The following CACNA1E variants were observed in gnomAD, a reference collection of about 807,000 sequenced individuals.
CACNA1E encodes the protein voltage-dependent R-type calcium channel subunit alpha-1E.
Under a neutral mutation model 259.2 loss-of-function variants are expected in CACNA1E, and 40 were observed. That is an observed-to-expected ratio of 0.15 (90% confidence interval 0.12 to 0.20). CACNA1E has a LOEUF of 0.20. Ranked by LOEUF, CACNA1E falls within the 10% of genes least tolerant of loss-of-function variation. The pLI is 1.00. For missense variants in CACNA1E, 1,874 were observed against 3,040.1 expected, an observed-to-expected ratio of 0.62 and a Z score of 9.02; for synonymous variants, 1,104 against 1,138.5, an observed-to-expected ratio of 0.97 and a Z score of 0.61.
intron 3 of CACNA1E, among the ~76,000 whole-genome samples, chr1:181,543,434 T>C (rs924853300): frequency 6.6e-6 from 1 of 152,120 alleles, no homozygotes; most frequent in East Asian, 1.9e-4. Flanking sequence ...GAAACCCCAG[T>C]CCCCAATGTA....
At chr1:181,537,909 C>G (rs1668296446) in intron 3 of CACNA1E, among the ~76,000 whole-genome samples, 1 of 152,166 alleles carries the variant, frequency 6.6e-6, no homozygotes, top group East Asian at 1.9e-4. Flanking sequence ...AATTATTAAG[C>G]TAACACATGT....
intron 6 of CACNA1E, among the ~76,000 whole-genome samples, chr1:181,619,082 A>G (rs1478438619): frequency 1.3e-5 from 2 of 152,164 alleles, no homozygotes; most frequent in African/African-American, 4.8e-5. Flanking sequence ...GAACAAAACA[A>G]TCCAAATCCC....
intron 1 of CACNA1E, among the ~76,000 whole-genome samples, chr1:181,354,484 A>G (rs918985488): frequency 2.6e-5 from 4 of 152,134 alleles, no homozygotes; most frequent in African/African-American, 9.7e-5. Context: ...TACACAGTTG[A>G]TCAGTGTGGG....
At chr1:181,502,975 A>G (rs979950263) in intron 1 of CACNA1E, among the ~76,000 whole-genome samples, 3 of 152,220 alleles carry the variant, frequency 2.0e-5, no homozygotes, top group African/African-American at 7.2e-5. Context: ...CTGGGATTGC[A>G]GGCGTGAGCC....
chr1:181,504,523 C>T (rs1048199718), intron 1 of CACNA1E, among the ~76,000 whole-genome samples: 1 of 152,192 alleles, frequency 6.6e-6, no homozygotes, highest in African/African-American at 2.4e-5. Flanking sequence ...CCAATATTTA[C>T]TGCCTGAGGC....
At chr1:181,646,488 A>G (rs911293275) in intron 6 of CACNA1E, among the ~76,000 whole-genome samples, 13 of 152,240 alleles carry the variant, frequency 8.5e-5, no homozygotes, top group African/African-American at 3.1e-4. Flanking sequence ...TGAAAGGACC[A>G]TGGAATCAGC....
intron 2 of CACNA1E, among the ~76,000 whole-genome samples, chr1:181,445,637 T>C (rs977226884): frequency 6.6e-6 from 1 of 152,232 alleles, no homozygotes; most frequent in Non-Finnish European, 1.5e-5. Context: ...ACAGGTGATG[T>C]AGCACACAAG....
chr1:181,539,631 G>T (rs549563202), intron 3 of CACNA1E, among the ~76,000 whole-genome samples: 1 of 152,146 alleles, frequency 6.6e-6, no homozygotes, highest in Non-Finnish European at 1.5e-5. Flanking sequence ...CAGGTGTCCC[G>T]CAAGGTCTGA....
chr1:181,422,802 A>T (rs1236747023), intron 2 of CACNA1E, among the ~76,000 whole-genome samples: 2 of 152,254 alleles, frequency 1.3e-5, no homozygotes, highest in Admixed American at 1.3e-4. Context: ...TAACCAAAAC[A>T]TTAGATTGTG....
chr1:181,505,140 G>A (rs990656001), intron 1 of CACNA1E, among the ~76,000 whole-genome samples: 1 of 152,040 alleles, frequency 6.6e-6, no homozygotes, highest in African/African-American at 2.4e-5. Context: ...TCTGGCCATC[G>A]CATTCCTCCT....
At chr1:181,343,986 C>T (rs1652393446) in intron 1 of CACNA1E, among the ~76,000 whole-genome samples, 1 of 152,186 alleles carries the variant, frequency 6.6e-6, no homozygotes, top group South Asian at 2.1e-4. Context: ...CTCTTGCTCA[C>T]CCTTCAATCA....
rs562086378 is a variant in CACNA1E at position 181,615,161 on chromosome 1, C to T, written c.951+34385C>T. Among the ~76,000 whole-genome samples the T allele has an allele frequency of 1.3e-5, 2 of 152,158 alleles. 1 individual carries two copies. The highest frequency in any genetic ancestry group is 4.8e-5 in the African/African-American group (2 of 41,548). On this transcript the variant is annotated intron_variant, in intron 6 of 47. Transcript: ENST00000367573. ...TACTTTTTCTCATTAAAGTTTTATA[C>T]TATTTTGTGTAGAGGTCTGATATAT...
intron 6 of CACNA1E, among the ~76,000 whole-genome samples, chr1:181,589,765 T>G (rs1004730850): frequency 1.3e-5 from 2 of 152,190 alleles, no homozygotes; most frequent in African/African-American, 4.8e-5. Context: ...ACAGCCCATG[T>G]AGAAATGTGA....
In CACNA1E at chr1:181,776,348, C is replaced by T. The variant is rs750114029; in HGVS notation, c.5267+120C>T. 1 of 1,039,464 alleles carries T rather than the reference C, an allele frequency of 9.6e-7. No homozygotes were observed. Among genetic ancestry groups the T allele is most frequent in the South Asian group, 1.4e-5 (1 of 74,048 alleles). 64.4% of individuals were successfully genotyped at this position (1,039,464 alleles called of 1,614,324 possible). Reference sequence around the variant, plus strand: ...GCCTGTTACAGAAGGAAAGGAGATTCCTCTTGATTGTGGCCCATAGAAGAG... The same window carrying T: ...GCCTGTTACAGAAGGAAAGGAGATTTCTCTTGATTGTGGCCCATAGAAGAG... On this transcript the variant is annotated intron_variant, in intron 38 of 47. Transcript: ENST00000367573. The surrounding 1 kb of genome is among the most constrained non-coding windows in gnomAD (Gnocchi z 4.4).
Position 181,750,457 on chromosome 1 carries a change from C to T in CACNA1E, c.3720-19C>T. 6.2e-7 allele frequency: 1 copy of T among 1,612,434 alleles called. No homozygotes were observed. The highest frequency in any genetic ancestry group is 8.5e-7 in the Non-Finnish European group (1 of 1,178,866). Reference sequence around the variant, plus strand: ...TTTTATTTTGATTTTCTACTGCTCTCTGATTGGATCCTCCATAGGAACGCT... The same window carrying T: ...TTTTATTTTGATTTTCTACTGCTCTTTGATTGGATCCTCCATAGGAACGCT... On this transcript the variant is annotated intron_variant, in intron 25 of 47. Transcript: ENST00000367573.
At chr1:181,667,387 G>A (rs1446384146) in intron 7 of CACNA1E, among the ~76,000 whole-genome samples, 1 of 152,052 alleles carries the variant, frequency 6.6e-6, no homozygotes, top group Non-Finnish European at 1.5e-5. Flanking sequence ...GGAGAACTTT[G>A]GTTCCATTTA....
intron 1 of CACNA1E, among the ~76,000 whole-genome samples, chr1:181,389,334 G>A (rs930630439): frequency 2.0e-5 from 3 of 152,200 alleles, no homozygotes; most frequent in Non-Finnish European, 4.4e-5. Flanking sequence ...TGTACAGCAT[G>A]AGAGCTGAAA....
At position 181,332,113 on chromosome 1, in the gene CACNA1E, A is replaced by T. The variant is rs146499074; in HGVS notation, c.-15+13990A>T. Among the ~76,000 whole-genome samples the T allele has an allele frequency of 9.8e-5, 15 of 152,330 alleles. No homozygotes were observed. The East Asian group carries it at 2.5e-3, about 25-fold the overall frequency. ...ATTATCCTCAGCAAACTAACGTAGG[A>T]ACAGAAAATCAAATACTACGTGTTC... is the stretch of plus-strand genomic sequence containing the variant. On this transcript the variant is annotated intron_variant, in intron 1 of 11. Coordinates refer to the CACNA1E transcript ENST00000524607.
At chr1:181,473,567 T>C (rs1662656855) in intron 2 of CACNA1E, among the ~76,000 whole-genome samples, 1 of 140,262 alleles carries the variant, frequency 7.1e-6, no homozygotes, top group African/African-American at 2.9e-5. Flanking sequence ...GTACTACTTT[T>C]GCCATTTTTG....
Sources: allele counts gnomAD v4.1 joint callset (sites outside exome capture counted in the v4.1 genomes callset), GRCh38; gene constraint gnomAD v4.1.1; non-coding constraint Gnocchi (gnomAD v3.1); transcripts MANE v1.5; gene names NCBI Gene and HGNC (gene_info 2026-07-23, HGNC 2026-07-21).